Variants in PDSS2 observed in about 807,000 individuals in gnomAD.
PDSS2 encodes decaprenyl diphosphate synthase subunit 2.
A neutral mutation model predicts 44.5 loss-of-function variants in PDSS2; 31 were observed. The ratio of observed to expected loss-of-function variants is 0.70; its 90% CI spans 0.52 to 0.94. The LOEUF (loss-of-function observed/expected upper bound fraction) is 0.94, where lower values mean the gene tolerates loss of function less well. Among genes scored for constraint, PDSS2 ranks in the 40% least tolerant of loss-of-function variants. The pLI is 0.00. For synonymous variants in PDSS2, 157 were observed against 180.3 expected, an observed-to-expected ratio of 0.87 and a Z score of 1.03; for missense variants, 452 against 482.2, an observed-to-expected ratio of 0.94 and a Z score of 0.59.
intron 2 of PDSS2, among the ~76,000 whole-genome samples, chr6:107,302,559 TGCCTGAA>T: frequency 6.6e-6 from 1 of 152,236 alleles, no homozygotes; most frequent in Non-Finnish European, 1.5e-5. Flanking sequence ...TAAGCCACAG[TGCCTGAA>T]TTAAATCTTT....
chr6:107,225,373 G>T (rs1773786319), intron 4 of PDSS2, among the ~76,000 whole-genome samples: 1 of 150,954 alleles, frequency 6.6e-6, no homozygotes, highest in South Asian at 2.1e-4. Context: ...GGCTGGTCTT[G>T]AACTCCTGAC....
intron 1 of PDSS2, among the ~76,000 whole-genome samples, chr6:107,406,838 C>T (rs1283888077): frequency 2.6e-5 from 4 of 152,202 alleles, no homozygotes; most frequent in Non-Finnish European, 5.9e-5. Flanking sequence ...GAATAACATT[C>T]ATAAACAGCT....
Position 107,434,188 on chromosome 6 carries a change from C to G in PDSS2, c.296+24802G>C, listed in dbSNP as rs1473422993. On this transcript the variant is annotated intron_variant, in intron 1 of 7. Transcript: ENST00000369037. Reference sequence around the variant, plus strand: ...AAATTAGTACAACCATTATGGAAAACAGTACGCAAGTTCCTCAAAAACTGA... The same window carrying G: ...AAATTAGTACAACCATTATGGAAAAGAGTACGCAAGTTCCTCAAAAACTGA... Among the ~76,000 whole-genome samples the G allele has an allele frequency of 2.6e-5, 4 of 152,176 alleles. No individual in the cohort carries two copies. In the East Asian group the frequency reaches 7.7e-4, roughly 29 times the overall value.
intron 6 of PDSS2, among the ~76,000 whole-genome samples, chr6:107,208,916 AT>A (rs1198886365): frequency 8.6e-5 from 13 of 150,412 alleles, no homozygotes; most frequent in East Asian, 2.0e-4. Flanking sequence ...TAGTTTTCTT[AT>A]TTTTTTTCTT....
chr6:107,413,050 T>G (rs1208471934), intron 1 of PDSS2, among the ~76,000 whole-genome samples: 1 of 152,208 alleles, frequency 6.6e-6, no homozygotes, highest in Non-Finnish European at 1.5e-5. Flanking sequence ...TAATTGAAGC[T>G]TTAGCTTATG....
At chr6:107,335,058 C>T (rs971883107) in intron 1 of PDSS2, among the ~76,000 whole-genome samples, 1 of 149,034 alleles carries the variant, frequency 6.7e-6, no homozygotes, top group Admixed American at 6.8e-5. Context: ...AGGCTGACGA[C>T]GGAGAATGAT....
intron 1 of PDSS2, among the ~76,000 whole-genome samples, chr6:107,383,477 A>T (rs367634398): frequency 6.6e-6 from 1 of 152,056 alleles, no homozygotes. Flanking sequence ...CTTCATCAAA[A>T]TTAAAAATTT....
At chr6:107,295,274 G>A (rs1023596627) in intron 2 of PDSS2, among the ~76,000 whole-genome samples, 2 of 152,146 alleles carry the variant, frequency 1.3e-5, no homozygotes, top group African/African-American at 2.4e-5. Flanking sequence ...GACTCCTTTG[G>A]CAATCTGGTG....
At chr6:107,342,936 T>C (rs1778125465) in intron 1 of PDSS2, among the ~76,000 whole-genome samples, 1 of 152,220 alleles carries the variant, frequency 6.6e-6, no homozygotes, top group South Asian at 2.1e-4. Context: ...CCTTTCAATG[T>C]TAAAACCTAG....
intron 2 of PDSS2, among the ~76,000 whole-genome samples, chr6:107,311,859 G>A (rs1250980063): frequency 6.6e-6 from 1 of 152,186 alleles, no homozygotes; most frequent in Non-Finnish European, 1.5e-5. Flanking sequence ...CATGTGTAAA[G>A]TGTTTTCAGC....
chr6:107,402,127 A>G (rs1210685093), intron 1 of PDSS2, among the ~76,000 whole-genome samples: 1 of 151,940 alleles, frequency 6.6e-6, no homozygotes, highest in Non-Finnish European at 1.5e-5. Flanking sequence ...AAAAATACAA[A>G]AAATTAGCCA....
At position 107,445,969 on chromosome 6, in the gene PDSS2, A is replaced by G. The variant is rs562743307; in HGVS notation, c.296+13021T>C. 4.6e-5 allele frequency among the ~76,000 whole-genome samples: 7 copies of G among 152,184 alleles called. No homozygotes were observed. In the East Asian group the frequency reaches 1.3e-3, roughly 29 times the overall value. On this transcript the variant is annotated intron_variant, in intron 1 of 7. Coordinates refer to ENST00000369037, the MANE Select transcript of PDSS2 (RefSeq NM_020381.4). ...CTGTCTGTTTCTCTCTCTCTCGTGCATGCTCTCTCTCTTTCTCTCTGGATT... is the reference window on the plus strand; with the variant it reads ...CTGTCTGTTTCTCTCTCTCTCGTGCGTGCTCTCTCTCTTTCTCTCTGGATT...
chr6:107,198,520 CT>C (rs1772645743), intron 6 of PDSS2, among the ~76,000 whole-genome samples: 1 of 152,116 alleles, frequency 6.6e-6, no homozygotes. Context: ...GGAAAAAACT[CT>C]GGTAAATATT....
chr6:107,298,445 G>A (rs1187597073), intron 2 of PDSS2, among the ~76,000 whole-genome samples: 4 of 152,038 alleles, frequency 2.6e-5, no homozygotes. Flanking sequence ...ATGCACAGTG[G>A]TTATATGCAA....
At chr6:107,437,344 G>A (rs2114785259) in intron 1 of PDSS2, among the ~76,000 whole-genome samples, 1 of 152,100 alleles carries the variant, frequency 6.6e-6, no homozygotes, top group African/African-American at 2.4e-5. Flanking sequence ...GGCCAACATG[G>A]CGAAACCCTG....
intron 2 of PDSS2, among the ~76,000 whole-genome samples, chr6:107,331,743 A>G (rs985183963): frequency 6.6e-6 from 1 of 152,296 alleles, no homozygotes; most frequent in Non-Finnish European, 1.5e-5. Flanking sequence ...TCTCTTCTGT[A>G]AAATAGGAAT....
chr6:107,253,714 G>A (rs978347121), intron 3 of PDSS2, among the ~76,000 whole-genome samples: 2 of 152,256 alleles, frequency 1.3e-5, no homozygotes, highest in Admixed American at 1.3e-4. Context: ...CAATAAAAGA[G>A]TAATAAAAAA....
At chr6:107,170,408 T>C (rs1554248252) in intron 7 of PDSS2, among the ~76,000 whole-genome samples, 1 of 152,200 alleles carries the variant, frequency 6.6e-6, no homozygotes, top group Non-Finnish European at 1.5e-5. Flanking sequence ...GGGAATTCCC[T>C]GACCCCTTGC....
At chr6:107,221,614 A>G (rs1036926420) in intron 4 of PDSS2, among the ~76,000 whole-genome samples, 1 of 152,230 alleles carries the variant, frequency 6.6e-6, no homozygotes, top group Non-Finnish European at 1.5e-5. Flanking sequence ...ATAACATGGG[A>G]AAAAAACTGA....
Sources: gnomAD v4.1 joint callset for allele counts (sites outside exome capture counted in the v4.1 genomes callset) on GRCh38, gnomAD v4.1.1 for gene constraint, MANE v1.5 for transcripts, NCBI Gene and HGNC (gene_info 2026-07-23, HGNC 2026-07-21) for gene names.